The following RCOR1 variants were observed in gnomAD, a reference collection of about 807,000 sequenced individuals.
RCOR1 encodes REST corepressor 1, also known as REST corepressor.
A neutral mutation model predicts 64.0 loss-of-function variants in RCOR1; 12 were observed. That is an observed-to-expected ratio of 0.19 (90% CI 0.12 to 0.30). The LOEUF is 0.30. Ranked by LOEUF, RCOR1 falls within the 10% of genes least tolerant of loss-of-function variation. RCOR1 has a pLI of 1.00. For synonymous variants in RCOR1, 279 were observed against 227.2 expected, an observed-to-expected ratio of 1.23 and a Z score of -2.05; for missense variants, 502 against 621.2, an observed-to-expected ratio of 0.81 and a Z score of 2.04.
intron 2 of RCOR1, among the ~76,000 whole-genome samples, chr14:102,636,730 G>A (rs1894246907): frequency 6.6e-6 from 1 of 151,556 alleles, no homozygotes; most frequent in Non-Finnish European, 1.5e-5. Context: ...AGCCCTTTTT[G>A]GGGCCGAGGC....
intron 3 of RCOR1, among the ~76,000 whole-genome samples, chr14:102,686,674 A>G (rs1461156433): frequency 6.6e-6 from 1 of 152,190 alleles, no homozygotes; most frequent in African/African-American, 2.4e-5. Context: ...CTGGAATCAT[A>G]TAGTATGTAG....
intron 2 of RCOR1, among the ~76,000 whole-genome samples, chr14:102,654,786 GTTTTTTTT>G (rs570052553): frequency 2.5e-5 from 3 of 118,386 alleles, no homozygotes; most frequent in African/African-American, 6.5e-5. Flanking sequence ...CTGTGGTTGA[GTTTTTTTT>G]TTTTTTTTTT....
intron 3 of RCOR1, among the ~76,000 whole-genome samples, chr14:102,698,907 A>G (rs1163840888): frequency 6.7e-6 from 1 of 149,390 alleles, no homozygotes; most frequent in Admixed American, 6.7e-5. Flanking sequence ...CACACTTTGG[A>G]GTAATTCCCT....
intron 2 of RCOR1, among the ~76,000 whole-genome samples, chr14:102,637,825 C>T: frequency 6.6e-6 from 1 of 152,112 alleles, no homozygotes; most frequent in Non-Finnish European, 1.5e-5. Context: ...AAAAAGTTAT[C>T]TGAACAAAGG....
chr14:102,722,504 A>T, intron 11 of RCOR1, 88 bp downstream of exon 11: 1 of 1,087,204 alleles, frequency 9.2e-7, no homozygotes, highest in Non-Finnish European at 1.4e-6. Context: ...TCAGCTATAG[A>T]GATTTTTAGG....
At position 102,727,326 on chromosome 14, in the gene RCOR1, G is replaced by A. The variant is rs1406533087; in HGVS notation, c.*820G>A. On this transcript the variant is annotated 3_prime_UTR_variant, in exon 12 of 12. Transcript: ENST00000262241. ...TCCAAGAGGTTCGGCCCACATCACT[G>A]TACCTGGTGCTTGTAAATTTGGAAT... 1.1e-5 allele frequency: 1 copy of A among 89,432 alleles called. No homozygotes were observed. Among genetic ancestry groups the A allele is most frequent in the Non-Finnish European group, 2.1e-5 (1 of 47,702 alleles). The allele number at this position is 89,432 out of a possible 1,614,324, so 5.5% of individuals were successfully genotyped here.
At chr14:102,621,155 A>G (rs996464071) in intron 2 of RCOR1, among the ~76,000 whole-genome samples, 13 of 152,182 alleles carry the variant, frequency 8.5e-5, no homozygotes, top group African/African-American at 2.9e-4. Context: ...AATTTTTTGT[A>G]GAGACAGGAT....
At position 102,593,335 on chromosome 14, in the gene RCOR1, G is replaced by A; in HGVS notation, c.361+10G>A. 6.5e-7 allele frequency: 1 copy of A among 1,529,922 alleles called. No homozygotes were observed. Among genetic ancestry groups the A allele is most frequent in the Non-Finnish European group, 8.7e-7 (1 of 1,147,358 alleles). 94.8% of individuals were successfully genotyped at this position (1,529,922 alleles called of 1,614,324 possible). ...CCCGACTTCGACCCCGGTGAGTAGC[G>A]GCCCCGGCCGGCCGGCGGCGGGGAT... On this transcript the variant is annotated intron_variant, in intron 2 of 11. Transcript: ENST00000262241.
chr14:102,643,029 TC>T (rs1282373544), intron 2 of RCOR1, among the ~76,000 whole-genome samples: 5 of 152,178 alleles, frequency 3.3e-5, no homozygotes, highest in African/African-American at 1.2e-4. Context: ...ACGCCTGTAA[TC>T]CCTGCACTTT....
chr14:102,657,554 C>T (rs1019944002), intron 2 of RCOR1: 2 of 982,990 alleles, frequency 2.0e-6, no homozygotes, highest in Non-Finnish European at 2.4e-6. Flanking sequence ...TGATGATTGA[C>T]TGACTGGGTG....
At chr14:102,654,703 A>G (rs944432132) in intron 2 of RCOR1, among the ~76,000 whole-genome samples, 2 of 152,044 alleles carry the variant, frequency 1.3e-5, no homozygotes, top group African/African-American at 4.8e-5. Context: ...CTGTCTCTAC[A>G]AGAAAATAAA....
chr14:102,680,586 T>A (rs1051143282), intron 2 of RCOR1, among the ~76,000 whole-genome samples: 1 of 152,150 alleles, frequency 6.6e-6, no homozygotes, highest in African/African-American at 2.4e-5. Context: ...GGCAGGCAGA[T>A]CATGAGGTCA....
chr14:102,616,154 C>G (rs1204742559), intron 2 of RCOR1, among the ~76,000 whole-genome samples: 1 of 151,604 alleles, frequency 6.6e-6, no homozygotes, highest in African/African-American at 2.4e-5. Context: ...GAGTAACTTA[C>G]AGAACTCAGG....
Position 102,727,064 on chromosome 14 carries a change from G to A in RCOR1, c.*558G>A, listed in dbSNP as rs780931735. 5 of 152,322 alleles carry A rather than the reference G, an allele frequency of 3.3e-5. No individual in the cohort carries two copies. The highest frequency in any genetic ancestry group is 1.2e-4 in the African/African-American group (5 of 41,416). The allele number at this position is 152,322 out of a possible 1,614,324, so 9.4% of individuals were successfully genotyped here. A position where few individuals can be genotyped will look rare whatever the true frequency, so the allele number is the denominator to read the frequency against. On this transcript the variant is annotated 3_prime_UTR_variant, in exon 12 of 12. Coordinates refer to ENST00000262241, the MANE Select transcript of RCOR1 (RefSeq NM_015156.4). ...TAACCTTTATCATGCCAAGCATCCT[G>A]ATGCAACTCACATTTCCCTAAACAT...
chr14:102,708,076 C>T (rs1407448337), intron 5 of RCOR1, among the ~76,000 whole-genome samples: 1 of 151,958 alleles, frequency 6.6e-6, no homozygotes, highest in Non-Finnish European at 1.5e-5. Context: ...CGCCATTCTC[C>T]TGTCTCAGCC....
intron 2 of RCOR1, among the ~76,000 whole-genome samples, chr14:102,678,694 T>TAA (rs1895241319): frequency 6.6e-6 from 1 of 152,204 alleles, no homozygotes; most frequent in Non-Finnish European, 1.5e-5. Context: ...TATGTCTTTG[T>TAA]AAAAAACTGC....
chr14:102,704,967 A>AC (rs1471872353), intron 4 of RCOR1, among the ~76,000 whole-genome samples: 3 of 152,152 alleles, frequency 2.0e-5, no homozygotes, highest in Non-Finnish European at 4.4e-5. Context: ...TCTAAAAAAA[A>AC]GTTTAAAAAT....
intron 2 of RCOR1, among the ~76,000 whole-genome samples, chr14:102,598,447 CTTTT>C (rs34776749): frequency 7.9e-6 from 1 of 127,268 alleles, no homozygotes; most frequent in Non-Finnish European, 1.6e-5. Context: ...TGATTCAGTT[CTTTT>C]TTTTTTTTTT....
intron 2 of RCOR1, among the ~76,000 whole-genome samples, chr14:102,617,381 T>A (rs1893783147): frequency 1.3e-5 from 2 of 152,172 alleles, no homozygotes; most frequent in African/African-American, 2.4e-5. Flanking sequence ...CACATTCCAC[T>A]TGTGTACATG....
Sources: allele counts gnomAD v4.1 joint callset (sites outside exome capture counted in the v4.1 genomes callset), GRCh38; gene constraint gnomAD v4.1.1; transcripts MANE v1.5; gene names NCBI Gene and HGNC (gene_info 2026-07-23, HGNC 2026-07-21).